SPTBN1: variants seen among roughly 807,000 people sequenced by gnomAD.
SPTBN1 encodes the protein spectrin beta chain, non-erythrocytic 1.
SPTBN1 carries 32 observed loss-of-function variants against 266.4 expected under a neutral mutation model. The observed-to-expected ratio is 0.12, with a 90% confidence interval of 0.09 to 0.16. The LOEUF (loss-of-function observed/expected upper bound fraction) is 0.16, where lower values mean the gene tolerates loss of function less well. SPTBN1 is among the 10% of genes least tolerant of loss of function. The pLI is 1.00. For synonymous variants in SPTBN1, 1,336 were observed against 1,162.2 expected, an observed-to-expected ratio of 1.15 and a Z score of -3.04; for missense variants, 2,296 against 3,067.1, an observed-to-expected ratio of 0.75 and a Z score of 5.94.
chr2:54,511,475 G>C (rs981470061), intron 1 of SPTBN1, among the ~76,000 whole-genome samples: 1 of 152,210 alleles, frequency 6.6e-6, no homozygotes, highest in African/African-American at 2.4e-5. Context: ...GTGGAAGACA[G>C]TTTTTCCACT....
chr2:54,592,923 T>A (rs922018289), intron 2 of SPTBN1, among the ~76,000 whole-genome samples: 1 of 152,148 alleles, frequency 6.6e-6, no homozygotes, highest in South Asian at 2.1e-4. Flanking sequence ...GAGATAACTC[T>A]AGCATCCCAC....
chr2:54,560,649 G>A (rs997805523), intron 2 of SPTBN1, among the ~76,000 whole-genome samples: 2 of 152,174 alleles, frequency 1.3e-5, no homozygotes, highest in Non-Finnish European at 2.9e-5. Flanking sequence ...GTTTTGTGTG[G>A]TAGCTTTAAA....
At chr2:54,482,516 C>T (rs1476015028) in intron 1 of SPTBN1, among the ~76,000 whole-genome samples, 1 of 152,178 alleles carries the variant, frequency 6.6e-6, no homozygotes, top group Non-Finnish European at 1.5e-5. Flanking sequence ...AGTATGCATG[C>T]TATCCTCTGG....
rs915206719 is a variant in SPTBN1, at chr2:54,628,848, G to T, written c.1799-85G>T. ...AGTGAGCTGGTAATCATAAGAATAT[G>T]GGGTGTAGCTTACTGCCTGCCAGTG... is the stretch of plus-strand genomic sequence containing the variant. On this transcript the variant is annotated intron_variant, in intron 13 of 35. Coordinates refer to ENST00000356805, the MANE Select transcript of SPTBN1 (RefSeq NM_003128.3). The surrounding 1 kb of genome is among the most constrained non-coding windows in gnomAD (Gnocchi z 4.3). The T allele has an allele frequency of 1.4e-6, 2 of 1,478,598 alleles. No homozygotes were observed. The highest frequency in any genetic ancestry group is 4.6e-5 in the East Asian group (2 of 43,848). The allele number at this position is 1,478,598 out of a possible 1,614,324, so 91.6% of individuals were successfully genotyped here.
At chr2:54,587,591 T>A (rs1234891737) in intron 2 of SPTBN1, among the ~76,000 whole-genome samples, 1 of 152,290 alleles carries the variant, frequency 6.6e-6, no homozygotes, top group Non-Finnish European at 1.5e-5. Context: ...CATGGAGGAC[T>A]GGAGGAGAAG....
rs142311858 is a variant in SPTBN1, at chr2:54,618,105, A to G, written c.675A>G (p.Leu225=). The change falls in exon 7 of 36, where the codon CTA becomes CTG. Residue 225 remains leucine (L), a synonymous_variant. Transcript: ENST00000356805. ...HRPDLIDFDK[L]KKSNAHYNLQ... ...CTGACCTGATAGATTTTGACAAACT[A>G]AAGAAATCTAACGCACACTACAACC... 1 of 1,614,062 alleles carries G rather than the reference A, an allele frequency of 6.2e-7. No individual in the cohort carries two copies. The highest frequency in any genetic ancestry group is 8.5e-7 in the Non-Finnish European group (1 of 1,180,010).
chr2:54,478,646 T>C (rs925568451), intron 1 of SPTBN1, among the ~76,000 whole-genome samples: 1 of 152,208 alleles, frequency 6.6e-6, no homozygotes, highest in African/African-American at 2.4e-5. Context: ...AAGTACTTGG[T>C]GTCCTTGCAA....
intron 2 of SPTBN1, among the ~76,000 whole-genome samples, chr2:54,559,725 C>T (rs1235994166): frequency 6.6e-6 from 1 of 152,172 alleles, no homozygotes; most frequent in African/African-American, 2.4e-5. Context: ...AAACAGAACT[C>T]CTTCCGTTTG....
chr2:54,537,840 G>C (rs1195227882), intron 2 of SPTBN1, among the ~76,000 whole-genome samples: 1 of 152,148 alleles, frequency 6.6e-6, no homozygotes, highest in Non-Finnish European at 1.5e-5. Flanking sequence ...TCTGGTTCCA[G>C]TTGGAAATAT....
chr2:54,466,325 G>C (rs1389705866), intron 1 of SPTBN1, among the ~76,000 whole-genome samples: 1 of 152,146 alleles, frequency 6.6e-6, no homozygotes, highest in African/African-American at 2.4e-5. Context: ...TATTTTCAAA[G>C]TGTAATTTGT....
chr2:54,610,117 T>C (rs1573523305), intron 3 of SPTBN1, among the ~76,000 whole-genome samples: 1 of 152,396 alleles, frequency 6.6e-6, no homozygotes, highest in East Asian at 1.9e-4. Flanking sequence ...GGAACTCATC[T>C]GCTGCCTCTT....
intron 3 of SPTBN1, among the ~76,000 whole-genome samples, chr2:54,605,019 G>T (rs1236633439): frequency 6.6e-6 from 1 of 152,166 alleles, no homozygotes; most frequent in Non-Finnish European, 1.5e-5. Context: ...ACGGAAGCAT[G>T]CCGCACTAGG....
intron 1 of SPTBN1, among the ~76,000 whole-genome samples, chr2:54,477,362 C>CTTA (rs1491562594): frequency 6.6e-6 from 1 of 151,086 alleles, no homozygotes; most frequent in African/African-American, 2.4e-5. Flanking sequence ...AAAGACTAAA[C>CTTA]TCTCTAACTC....
chr2:54,611,073 T>C (rs1391072614), intron 3 of SPTBN1, among the ~76,000 whole-genome samples: 1 of 148,302 alleles, frequency 6.7e-6, no homozygotes, highest in Non-Finnish European at 1.5e-5. Flanking sequence ...GCCATTACAA[T>C]CTGTGTTTGT....
intron 2 of SPTBN1, chr2:54,528,144 C>A (rs1195358580): frequency 2.0e-5 from 3 of 152,638 alleles, no homozygotes; most frequent in Non-Finnish European, 4.4e-5. Flanking sequence ...GATCATGACC[C>A]TGGCTTGTGC....
At chr2:54,561,621 T>C (rs1449347866) in intron 2 of SPTBN1, among the ~76,000 whole-genome samples, 1 of 151,966 alleles carries the variant, frequency 6.6e-6, no homozygotes, top group Non-Finnish European at 1.5e-5. Context: ...AGAATATAAT[T>C]TTAAAATGAG....
chr2:54,598,644 T>A lies in SPTBN1; in HGVS notation c.149-448T>A, dbSNP rs540932145. On this transcript the variant is annotated intron_variant, in intron 2 of 35. Transcript: ENST00000356805. ...TTAATATACTCACCTTTTGGAGGAA[T>A]AATAGCTGTAACATGTATGTAGGAA... 3.9e-5 allele frequency among the ~76,000 whole-genome samples: 6 copies of A among 152,316 alleles called. No homozygotes were observed. In the South Asian group the frequency reaches 1.2e-3, roughly 32 times the overall value.
intron 1 of SPTBN1, among the ~76,000 whole-genome samples, chr2:54,466,792 A>G (rs569479525): frequency 5.8e-4 from 88 of 152,314 alleles, no homozygotes; most frequent in Admixed American, 9.8e-4. Context: ...TTAGCTGGAT[A>G]CAAACTAATC....
At chr2:54,623,865 C>G (rs1678154510) in intron 10 of SPTBN1, among the ~76,000 whole-genome samples, 1 of 152,240 alleles carries the variant, frequency 6.6e-6, no homozygotes, top group Non-Finnish European at 1.5e-5. Context: ...ATACATATCA[C>G]TTTACTTCTC....
Sources: allele counts gnomAD v4.1 joint callset (sites outside exome capture counted in the v4.1 genomes callset), GRCh38; gene constraint gnomAD v4.1.1; non-coding constraint Gnocchi (gnomAD v3.1); transcripts MANE v1.5; gene names NCBI Gene and HGNC (gene_info 2026-07-23, HGNC 2026-07-21).